The following SMIM18 variants were observed in gnomAD, a reference collection of about 807,000 sequenced individuals.
The protein encoded by SMIM18 is small integral membrane protein 18.
SMIM18 carries 4 observed loss-of-function variants against 5.9 expected under a neutral mutation model. That is an observed-to-expected ratio of 0.68 (90% CI 0.33 to 1.56). SMIM18 has a LOEUF of 1.56. SMIM18 is among the 40% of genes most tolerant of loss of function. The probability of loss-of-function intolerance (pLI) is 0.06; values close to 1 mark genes in which losing one functional copy is unlikely to be tolerated. For synonymous variants in SMIM18, 37 were observed against 37.4 expected (o/e 0.99, Z 0.04); for missense variants, 89 against 109.7 (o/e 0.81, Z 0.84).
intron 1 of SMIM18, among the ~76,000 whole-genome samples, chr8:30,644,270 T>C (rs1035447472): frequency 6.6e-6 from 1 of 152,212 alleles, no homozygotes; most frequent in Admixed American, 6.5e-5. Context: ...CAGCTTCTTT[T>C]GTGAAATGGA....
Position 30,645,306 on chromosome 8 carries a change from A to C in SMIM18, c.-4A>C. On this transcript the variant is annotated 5_prime_UTR_variant, in exon 3 of 3. Transcript: ENST00000517349. The stretch of plus-strand genomic sequence containing the variant: ...ATTCAAAAGAGCAAGTGGAATCTCT[A>C]AGAATGGCTTCCAGCCACTGGAATG... 1 of 1,533,562 alleles carries C rather than the reference A, an allele frequency of 6.5e-7. No individual in the cohort carries two copies. 95.0% of individuals were successfully genotyped at this position (1,533,562 alleles called of 1,614,324 possible). A position where few individuals can be genotyped will look rare whatever the true frequency, so the allele number is the denominator to read the frequency against.
intron 1 of SMIM18, among the ~76,000 whole-genome samples, chr8:30,642,039 T>C (rs1377549860): frequency 6.6e-6 from 1 of 152,182 alleles, no homozygotes; most frequent in Non-Finnish European, 1.5e-5. Context: ...TGTTTCCTAA[T>C]CCCAATTTGA....
chr8:30,643,363 A>G (rs1309951709), intron 1 of SMIM18: 4 of 152,250 alleles, frequency 2.6e-5, no homozygotes, highest in African/African-American at 4.8e-5. Context: ...AAGTTGCATT[A>G]TAAGTACATG....
At chr8:30,641,554 C>T (rs1438480622) in intron 1 of SMIM18, among the ~76,000 whole-genome samples, 4 of 152,050 alleles carry the variant, frequency 2.6e-5, no homozygotes, top group African/African-American at 7.2e-5. Flanking sequence ...GAGACAGGGC[C>T]TCCCCACATT....
intron 1 of SMIM18, chr8:30,643,860 T>C (rs1586001896): frequency 6.6e-6 from 1 of 152,028 alleles, no homozygotes; most frequent in Non-Finnish European, 1.5e-5. Flanking sequence ...TAGTTTTCGT[T>C]AAATGAAACA....
intron 1 of SMIM18, among the ~76,000 whole-genome samples, chr8:30,642,664 A>G (rs965398857): frequency 6.6e-6 from 1 of 152,178 alleles, no homozygotes; most frequent in African/African-American, 2.4e-5. Flanking sequence ...ATAAGAGTAT[A>G]TGTTTTCCCT....
intron 1 of SMIM18, among the ~76,000 whole-genome samples, chr8:30,644,003 C>T (rs1393455628): frequency 6.6e-6 from 1 of 152,084 alleles, no homozygotes. Context: ...GAATGACAAC[C>T]GATAAATTAA....
intron 1 of SMIM18, among the ~76,000 whole-genome samples, chr8:30,641,404 C>A (rs1801823191): frequency 6.6e-6 from 1 of 152,114 alleles, no homozygotes; most frequent in African/African-American, 2.4e-5. Flanking sequence ...ACTCTATCAC[C>A]CAGGCGGGAG....
In SMIM18 at chr8:30,645,594, C is replaced by T; in HGVS notation, c.285C>T (p.Val95=). 2.6e-6 allele frequency: 4 copies of T among 1,534,964 alleles called. No individual in the cohort carries two copies. Among genetic ancestry groups the T allele is most frequent in the Non-Finnish European group, 1.7e-6 (2 of 1,146,644 alleles). ...TCAGAAAACGTGAAACTGAAGTGGT[C>T]TAACACTCTATAGAAGATGAACAAA... is the stretch of plus-strand genomic sequence containing the variant. ...DNIRKRETEV[V] is the part of the protein sequence containing the mutation. The change falls in exon 3 of 3, where the codon GTC becomes GTT. Residue 95 remains valine (V), a synonymous_variant. Transcript: ENST00000517349.
intron 1 of SMIM18, among the ~76,000 whole-genome samples, chr8:30,641,301 T>C (rs367643384): frequency 6.6e-6 from 1 of 152,184 alleles, no homozygotes; most frequent in South Asian, 2.1e-4. Flanking sequence ...CAGCAAAGCA[T>C]GTAAGTGCCT....
At chr8:30,639,965 T>A (rs1199291853) in intron 1 of SMIM18, among the ~76,000 whole-genome samples, 1 of 152,096 alleles carries the variant, frequency 6.6e-6, no homozygotes, top group Non-Finnish European at 1.5e-5. Context: ...AAGTCTCAGA[T>A]AAAATAAAAA....
chr8:30,640,446 C>CATACCA (rs892658587), intron 1 of SMIM18, among the ~76,000 whole-genome samples: 6 of 151,846 alleles, frequency 4.0e-5, no homozygotes, highest in African/African-American at 1.5e-4. Flanking sequence ...TGGGAGTAAA[C>CATACCA]ATACCAAAAT....
Position 30,645,272 on chromosome 8 carries a change from T to G in SMIM18, c.-29-9T>G. 6.6e-7 allele frequency: 1 copy of G among 1,506,254 alleles called. No homozygotes were observed. Among genetic ancestry groups the G allele is most frequent in the Non-Finnish European group, 8.8e-7 (1 of 1,135,404 alleles). The allele number at this position is 1,506,254 out of a possible 1,614,324, so 93.3% of individuals were successfully genotyped here. A position where few individuals can be genotyped will look rare whatever the true frequency, so the allele number is the denominator to read the frequency against. Reference sequence around the variant, plus strand: ...TGCTACATAAATTCATTTTCTACCTTTTTTATAGATTCAAAAGAGCAAGTG... The same window carrying G: ...TGCTACATAAATTCATTTTCTACCTGTTTTATAGATTCAAAAGAGCAAGTG... On this transcript the variant is annotated splice_polypyrimidine_tract_variant and intron_variant, in intron 2 of 2. Transcript: ENST00000517349.
intron 1 of SMIM18, among the ~76,000 whole-genome samples, chr8:30,639,197 A>C (rs1002571099): frequency 6.6e-6 from 1 of 152,194 alleles, no homozygotes; most frequent in Non-Finnish European, 1.5e-5. Flanking sequence ...AATTATCACA[A>C]TTTTAATTTT....
chr8:30,639,943 A>G (rs1424472512), intron 1 of SMIM18, among the ~76,000 whole-genome samples: 1 of 152,172 alleles, frequency 6.6e-6, no homozygotes, highest in Non-Finnish European at 1.5e-5. Flanking sequence ...AAAGTACAGA[A>G]GCACCAAACA....
At chr8:30,638,855 G>A (rs950914005) in intron 1 of SMIM18, among the ~76,000 whole-genome samples, 4 of 152,116 alleles carry the variant, frequency 2.6e-5, no homozygotes, top group African/African-American at 9.7e-5. Context: ...TGCCTTAATG[G>A]AAAATTCATT....
chr8:30,639,293 A>G (rs764678133), intron 1 of SMIM18, among the ~76,000 whole-genome samples: 1 of 152,178 alleles, frequency 6.6e-6, no homozygotes, highest in Non-Finnish European at 1.5e-5. Context: ...AGACTTCCTT[A>G]ACATTTAATT....
Position 30,645,649 on chromosome 8 carries a change from G to A in SMIM18, c.*52G>A. On this transcript the variant is annotated 3_prime_UTR_variant, in exon 3 of 3. Transcript: ENST00000517349. ...CTGAAAGCAGCTCAACCTCTTCTGA[G>A]AAAAAAAATATATTCTGAGGCCAAC... The A allele has an allele frequency of 4.8e-6, 7 of 1,452,422 alleles. No individual in the cohort carries two copies. Among genetic ancestry groups the A allele is most frequent in the Admixed American group, 2.5e-5 (1 of 39,508 alleles). 90.0% of individuals were successfully genotyped at this position (1,452,422 alleles called of 1,614,324 possible).
chr8:30,641,785 G>A (rs1801843821), intron 1 of SMIM18, among the ~76,000 whole-genome samples: 2 of 152,150 alleles, frequency 1.3e-5, no homozygotes, highest in Admixed American at 6.5e-5. Context: ...GCTGAGGCAG[G>A]AGAATCACTT....
Sources: allele counts gnomAD v4.1 joint callset (sites outside exome capture counted in the v4.1 genomes callset), GRCh38; gene constraint gnomAD v4.1.1; transcripts MANE v1.5; gene names NCBI Gene and HGNC (gene_info 2026-07-23, HGNC 2026-07-21).